Variants in CDK16 observed in about 807,000 individuals in gnomAD.
CDK16 encodes the protein cyclin dependent kinase 16, also known as cyclin-dependent kinase 16.
Under a neutral mutation model 41.6 loss-of-function variants are expected in CDK16, and 2 were observed. That is an observed-to-expected ratio of 0.05 (90% confidence interval 0.02 to 0.15). The LOEUF is 0.15. Among genes scored for constraint, CDK16 ranks in the 10% least tolerant of loss-of-function variants. The pLI is 1.00. For missense variants in CDK16, 228 were observed against 428.9 expected (o/e 0.53, Z 4.14); for synonymous variants, 169 against 169.7 (o/e 1.00, Z 0.03).
In CDK16 at chrX:47,228,624, C is replaced by G. The variant is rs2055280157; in HGVS notation, c.1433C>G (p.Ser478Cys). 8.3e-7 allele frequency: 1 copy of G among 1,209,254 alleles called. No individual in the cohort carries two copies. Among genetic ancestry groups the G allele is most frequent in the African/African-American group, 1.8e-5 (1 of 57,122 alleles). ...IQLQKEASLR[S>C]SSMPDSGRPA... ...CTACAAAAGGAGGCCAGCCTTCGGT[C>G]TTCGTCGATGCCTGACTCAGGTAGG... Residue 478 changes from serine (S) to cysteine (C), a missense_variant, in exon 15 of 16, where the codon TCT becomes TGT. Physicochemically the swap from Ser to Cys is moderately radical, Grantham distance 112 (BLOSUM62 -1). Around this residue, in one of 3 missense-constraint regions of CDK16, gnomAD observed 91 missense variants for 129.5 expected, o/e 0.70. Coordinates refer to ENST00000357227, the MANE Select transcript of CDK16 (RefSeq NM_006201.5).
upstream of CDK16, chrX:47,218,680 T>A (rs782598865): frequency 8.6e-7 from 1 of 1,166,975 alleles, no homozygotes; most frequent in African/African-American, 1.8e-5. Flanking sequence ...TCCCCTCCTT[T>A]CCACTTCACC....
At position 47,226,579 on chromosome X, in the gene CDK16, C is replaced by G. The variant is rs765285271; in HGVS notation, c.917-4C>G. On this transcript the variant is annotated splice_region_variant and splice_polypyrimidine_tract_variant and intron_variant, in intron 9 of 15. Coordinates refer to ENST00000357227, the MANE Select transcript of CDK16 (RefSeq NM_006201.5). ...ATTCTAGCTGTCCTTTCTCTGATTT[C>G]CAGGCCTGGCCCGAGCCAAGTCAAT... 4 of 1,209,104 alleles carry G rather than the reference C, an allele frequency of 3.3e-6. No individual in the cohort carries two copies. Among genetic ancestry groups the G allele is most frequent in the Non-Finnish European group, 4.5e-6 (4 of 893,937 alleles).
chrX:47,226,147 A>C (rs775222566), intron 8 of CDK16, 120 bp downstream of exon 8: 2 of 1,102,654 alleles, frequency 1.8e-6, no homozygotes, highest in Non-Finnish European at 2.5e-6. Flanking sequence ...CTTGGAGGGC[A>C]CTGGGACCCT....
At chrX:47,218,621 TC>T (rs1556795944), upstream of CDK16, 1 of 1,164,472 alleles carries the variant, frequency 8.6e-7, no homozygotes, top group Admixed American at 2.6e-5. Context: ...GATGGCCGCG[TC>T]CCCTCCCGCT....
chrX:47,226,230 G>A (rs780066437), intron 8 of CDK16, 49 bp from the exon 9 acceptor site: 25 of 1,204,131 alleles, frequency 2.1e-5, no homozygotes, highest in South Asian at 3.6e-5. Context: ...GCTGGGGGTC[G>A]GGCTAGTGGA....
Position 47,223,787 on chromosome X carries a change from A to G in CDK16, c.202+28A>G, listed in dbSNP as rs2273272. 4.9e-3 allele frequency: 5,668 copies of G among 1,154,432 alleles called. 235 individuals are homozygous for G. In the Admixed American group the frequency reaches 0.11, roughly 22 times the overall value. On this transcript the variant is annotated intron_variant, in intron 2 of 15. Coordinates refer to ENST00000357227, the MANE Select transcript of CDK16 (RefSeq NM_006201.5). Reference sequence around the variant, plus strand: ...GGGTCCACTGGCTATCCCCTCTCCCATATGGCCCCAGGCTGCTTCCCAGGT... The same window carrying G: ...GGGTCCACTGGCTATCCCCTCTCCCGTATGGCCCCAGGCTGCTTCCCAGGT...
chrX:47,227,301 G>T, intron 13 of CDK16, 78 bp downstream of exon 13: 1 of 1,109,124 alleles, frequency 9.0e-7, no homozygotes, highest in African/African-American at 1.8e-5. Flanking sequence ...CTCAAACCAG[G>T]GGCAGGGTCT....
chrX:47,222,909 C>A, intron 1 of CDK16: 11 of 363,525 alleles, frequency 3.0e-5, no homozygotes, highest in East Asian at 9.9e-5. Context: ...TCCACACAAT[C>A]CCACCCAGTG....
rs755234077 is a variant in CDK16 at position 47,223,715 on chromosome X, C to T, written c.158C>T (p.Pro53Leu). 3 of 1,208,143 alleles carry T rather than the reference C, an allele frequency of 2.5e-6. No homozygotes were observed. The highest frequency in any genetic ancestry group is 3.4e-6 in the Non-Finnish European group (3 of 894,402). The change falls in exon 2 of 16, where the codon CCT becomes CTT. Residue 53 changes from proline to leucine, a missense_variant. Around this residue, in one of 3 missense-constraint regions of CDK16, gnomAD observed 71 missense variants for 102.2 expected, o/e 0.69. Coordinates refer to ENST00000357227, the MANE Select transcript of CDK16 (RefSeq NM_006201.5). Reference sequence around the variant, plus strand: ...GGAGAGGCCCCCACACGTGCTGCTCCTGGGGAACTTCGTTCTGCACGGGGC... The same window carrying T: ...GGAGAGGCCCCCACACGTGCTGCTCTTGGGGAACTTCGTTCTGCACGGGGC... ...DPGEAPTRAA[P>L]GELRSARGPL... is the part of the protein sequence containing the mutation.
At chrX:47,226,246 T>A in intron 8 of CDK16, 33 bp from the exon 9 acceptor site, 1 of 1,209,566 alleles carries the variant, frequency 8.3e-7, no homozygotes, top group South Asian at 1.8e-5. Flanking sequence ...GTGGATAGTC[T>A]TTGACCTCTG....
At chrX:47,223,902 T>C (rs1569225958) in intron 2 of CDK16, 143 bp downstream of exon 2, 1 of 502,771 alleles carries the variant, frequency 2.0e-6, no homozygotes. Context: ...TTCCCTCCCA[T>C]CTTCTCTCAA....
rs988368222 is a variant in CDK16, at chrX:47,224,544, A to C, written c.336+26A>C. 5.8e-6 allele frequency: 7 copies of C among 1,204,351 alleles called. No homozygotes were observed. The African/African-American group carries it at 1.1e-4, about 18-fold the overall frequency. ...GTGCTTGACCCCGTCTGGATGGTGGAGGAACTGGAAAAGGGGGTTGGACCT... is the reference window on the plus strand; with the variant it reads ...GTGCTTGACCCCGTCTGGATGGTGGCGGAACTGGAAAAGGGGGTTGGACCT... On this transcript the variant is annotated intron_variant, in intron 3 of 15. Transcript: ENST00000357227.
Position 47,225,002 on chromosome X carries a change from C to T in CDK16, c.534C>T (p.Thr178=). ...TCACATTCCAGGGTACCTATGCCACCGTCTACAAAGGCAAAAGCAAGCTCA... is the reference window on the plus strand; with the variant it reads ...TCACATTCCAGGGTACCTATGCCACTGTCTACAAAGGCAAAAGCAAGCTCA... ...LDKLGEGTYA[T]VYKGKSKLTD... is the part of the protein sequence containing the mutation. Residue 178 remains threonine, a synonymous_variant, in exon 6 of 16, where the codon ACC becomes ACT. Transcript: ENST00000357227. 4.1e-6 allele frequency: 5 copies of T among 1,206,936 alleles called. No individual in the cohort carries two copies. Among genetic ancestry groups the T allele is most frequent in the East Asian group, 5.9e-5 (2 of 33,709 alleles).
intron 2 of CDK16, among the ~76,000 whole-genome samples, chrX:47,223,970 G>A (rs1050835057): frequency 1.8e-5 from 2 of 110,398 alleles, no homozygotes; most frequent in Non-Finnish European, 3.8e-5. Context: ...CCCAGGCCCC[G>A]TGGTGGGGGA....
At position 47,226,098 on chromosome X, in the gene CDK16, G is replaced by GA. The variant is rs752300225; in HGVS notation, c.792+74dup. ...CCCACTCCAACCCACAAATCTCCCA[G>GA]AAACGGACTTTTCCCTTTGGCTTTT... On this transcript the variant is annotated intron_variant, in intron 8 of 15. Transcript: ENST00000357227. The GA allele has an allele frequency of 2.6e-5, 30 of 1,135,329 alleles. 1 individual carries two copies. The South Asian group carries it at 5.3e-4, about 20-fold the overall frequency. 93.6% of individuals were successfully genotyped at this position (1,135,329 alleles called of 1,213,427 possible). A position where few individuals can be genotyped will look rare whatever the true frequency, so the allele number is the denominator to read the frequency against.
In CDK16 at chrX:47,222,943, GAC is replaced by G. The variant is rs1346264522; in HGVS notation, c.-6-604_-6-603del. 3.5e-4 allele frequency: 268 copies of G among 763,160 alleles called. 1 individual carries two copies. Among genetic ancestry groups the G allele is most frequent in the Non-Finnish European group, 4.1e-4 (242 of 584,072 alleles). The allele number at this position is 763,160 out of a possible 1,213,427, so 62.9% of individuals were successfully genotyped here. ...TGGTTGGGTCTGGGCAGGACACCCT[GAC>G]ACACGCTCCCCTCCCCCCCCCCACC... On this transcript the variant is annotated intron_variant, in intron 1 of 15. Transcript: ENST00000357227.
At chrX:47,222,923 G>T in intron 1 of CDK16, 2 of 536,575 alleles carry the variant, frequency 3.7e-6, no homozygotes, top group Non-Finnish European at 5.2e-6. Context: ...CCCAGTGGTT[G>T]GGTCTGGGCA....
intron 1 of CDK16, among the ~76,000 whole-genome samples, chrX:47,220,566 C>T (rs757309235): frequency 9.2e-6 from 1 of 108,416 alleles, no homozygotes; most frequent in East Asian, 2.9e-4. Context: ...TGTGTCCCTG[C>T]GGAATAGGGC....
Position 47,229,528 on chromosome X carries a change from G to A in CDK16, c.*760G>A. 1 of 240,912 alleles carries A rather than the reference G, an allele frequency of 4.2e-6. No homozygotes were observed. The highest frequency in any genetic ancestry group is 7.9e-6 in the Non-Finnish European group (1 of 126,415). The allele number at this position is 240,912 out of a possible 1,213,427, so 19.9% of individuals were successfully genotyped here. A position where few individuals can be genotyped will look rare whatever the true frequency, so the allele number is the denominator to read the frequency against. On this transcript the variant is annotated 3_prime_UTR_variant, in exon 16 of 16. Coordinates refer to ENST00000357227, the MANE Select transcript of CDK16 (RefSeq NM_006201.5). Reference sequence around the variant, plus strand: ...CCGCCCGCCATCCCCAGTTGCAGGGGGATCTGGGGACTACCAGAGACTCTG... The same window carrying A: ...CCGCCCGCCATCCCCAGTTGCAGGGAGATCTGGGGACTACCAGAGACTCTG...
Sources: allele counts gnomAD v4.1 joint callset (sites outside exome capture counted in the v4.1 genomes callset), GRCh38; gene constraint gnomAD v4.1.1; regional missense constraint gnomAD v4.1.1; transcripts MANE v1.5; gene names NCBI Gene and HGNC (gene_info 2026-07-23, HGNC 2026-07-21).